The following EXT1 variants were observed in gnomAD, a reference collection of about 807,000 sequenced individuals.
EXT1 encodes the protein exostosin glycosyltransferase 1.
EXT1 carries 20 observed loss-of-function variants against 82.5 expected under a neutral mutation model. That is an observed-to-expected ratio of 0.24 (90% CI 0.17 to 0.35). The LOEUF (loss-of-function observed/expected upper bound fraction) is 0.35. Among genes scored for constraint, EXT1 ranks in the 10% least tolerant of loss-of-function variants. The pLI is 1.00. For missense variants in EXT1, 757 were observed against 936.5 expected, an observed-to-expected ratio of 0.81 and a Z score of 2.50; for synonymous variants, 348 against 350.8, an observed-to-expected ratio of 0.99 and a Z score of 0.09.
intron 1 of EXT1, among the ~76,000 whole-genome samples, chr8:117,968,294 T>C (rs533887199): frequency 4.6e-5 from 7 of 151,936 alleles, no homozygotes; most frequent in African/African-American, 1.7e-4. Context: ...TTTTTAGTAG[T>C]TTTTTGAAAT....
chr8:117,889,126 T>C (rs1813199274), intron 1 of EXT1, among the ~76,000 whole-genome samples: 1 of 152,164 alleles, frequency 6.6e-6, no homozygotes, highest in South Asian at 2.1e-4. Context: ...CTGGGGCAGC[T>C]ATCTTGGACT....
At chr8:117,987,857 G>A (rs921519092) in intron 1 of EXT1, among the ~76,000 whole-genome samples, 2 of 152,184 alleles carry the variant, frequency 1.3e-5, no homozygotes, top group African/African-American at 4.8e-5. Flanking sequence ...AGAGGCCTAG[G>A]CGGAAGGATC....
chr8:117,863,777 G>A (rs771768648), intron 1 of EXT1, among the ~76,000 whole-genome samples: 3 of 152,100 alleles, frequency 2.0e-5, no homozygotes, highest in African/African-American at 2.4e-5. Flanking sequence ...TGTCAGCAAC[G>A]CAGGGTGAGG....
rs565779548 is a variant in EXT1 at position 118,042,229 on chromosome 8, A to G, written c.962+67856T>C. On this transcript the variant is annotated intron_variant, in intron 1 of 10. Transcript: ENST00000378204. ...TGAATTAAAGAGGATCAAGAAGTCA[A>G]CAACAAAGGAGCTCAATCAGAGGGC... Among the ~76,000 whole-genome samples, 175 of 152,314 alleles carry G rather than the reference A, an allele frequency of 1.1e-3. 2 individuals are homozygous for G. The highest frequency in any genetic ancestry group is 4.1e-3 in the African/African-American group (169 of 41,576).
intron 4 of EXT1, among the ~76,000 whole-genome samples, chr8:117,826,224 C>T (rs569846329): frequency 6.6e-6 from 1 of 152,164 alleles, no homozygotes; most frequent in African/African-American, 2.4e-5. Context: ...GTACTAACAA[C>T]CTGACCCTGG....
intron 1 of EXT1, among the ~76,000 whole-genome samples, chr8:118,079,578 G>C (rs1038486042): frequency 6.6e-6 from 1 of 152,118 alleles, no homozygotes; most frequent in East Asian, 1.9e-4. Context: ...TATTCAGAGG[G>C]GTGACAATAC....
At chr8:118,030,042 G>A (rs1816278483) in intron 1 of EXT1, among the ~76,000 whole-genome samples, 1 of 152,148 alleles carries the variant, frequency 6.6e-6, no homozygotes, top group Non-Finnish European at 1.5e-5. Flanking sequence ...AAAATTCCCA[G>A]GGATATCTCT....
chr8:117,836,359 T>C (rs1406851169), intron 2 of EXT1, among the ~76,000 whole-genome samples: 1 of 152,114 alleles, frequency 6.6e-6, no homozygotes, highest in East Asian at 1.9e-4. Flanking sequence ...CATGACAGAA[T>C]GATTTGCAGT....
At chr8:117,877,707 T>C (rs545000990) in intron 1 of EXT1, among the ~76,000 whole-genome samples, 2 of 152,284 alleles carry the variant, frequency 1.3e-5, no homozygotes, top group African/African-American at 4.8e-5. Context: ...CCCGCTTAAA[T>C]CAATGTCATG....
intron 1 of EXT1, among the ~76,000 whole-genome samples, chr8:118,072,584 G>C (rs1031548187): frequency 2.8e-4 from 43 of 152,196 alleles, no homozygotes; most frequent in African/African-American, 1.0e-3. Context: ...ATTTGCAGTG[G>C]AAGTTTTACT....
At chr8:117,845,616 A>C (rs1587007884) in intron 1 of EXT1, among the ~76,000 whole-genome samples, 1 of 152,192 alleles carries the variant, frequency 6.6e-6, no homozygotes, top group East Asian at 1.9e-4. Context: ...ACTTTTTTTA[A>C]ATTTTAATTT....
Position 117,817,336 on chromosome 8 carries a change from A to C in EXT1, c.1632+1099T>G, listed in dbSNP as rs556614101. Among the ~76,000 whole-genome samples the C allele has an allele frequency of 1.4e-4, 22 of 152,290 alleles. No homozygotes were observed. The South Asian group carries it at 3.7e-3, about 26-fold the overall frequency. On this transcript the variant is annotated intron_variant, in intron 7 of 10. Coordinates refer to ENST00000378204, the MANE Select transcript of EXT1 (RefSeq NM_000127.3). Reference sequence around the variant, plus strand: ...TTTTGGTGAGTCGATGATGATATCAAATGGTTCAGCCTAATAAACTGATTT... The same window carrying C: ...TTTTGGTGAGTCGATGATGATATCACATGGTTCAGCCTAATAAACTGATTT...
At chr8:117,833,822 G>A (rs1812141495) in intron 3 of EXT1, among the ~76,000 whole-genome samples, 1 of 152,044 alleles carries the variant, frequency 6.6e-6, no homozygotes, top group Admixed American at 6.5e-5. Context: ...ATTTGAAAAA[G>A]GAAGAAAAAA....
At chr8:117,821,825 A>T (rs1339098820) in intron 5 of EXT1, among the ~76,000 whole-genome samples, 1 of 152,212 alleles carries the variant, frequency 6.6e-6, no homozygotes, top group African/African-American at 2.4e-5. Context: ...GGGTCCAAAT[A>T]CATAAATGTC....
At chr8:117,814,453 T>A (rs1245890588) in intron 7 of EXT1, among the ~76,000 whole-genome samples, 1 of 152,118 alleles carries the variant, frequency 6.6e-6, no homozygotes, top group African/African-American at 2.4e-5. Context: ...GTCCTTCATA[T>A]ATATCATCGT....
intron 1 of EXT1, among the ~76,000 whole-genome samples, chr8:117,928,202 G>A (rs1813987405): frequency 6.6e-6 from 1 of 152,192 alleles, no homozygotes; most frequent in African/African-American, 2.4e-5. Flanking sequence ...ACTCACCAGA[G>A]AATGAACAGT....
Position 118,077,318 on chromosome 8 carries a change from A to G in EXT1, c.962+32767T>C, listed in dbSNP as rs140018273. ...CTGAGGCATATGCAGCCAGGATTCAACTGAGACCAACCTGATCAAATTCCC... is the reference window on the plus strand; with the variant it reads ...CTGAGGCATATGCAGCCAGGATTCAGCTGAGACCAACCTGATCAAATTCCC... On this transcript the variant is annotated intron_variant, in intron 1 of 10. Coordinates refer to ENST00000378204, the MANE Select transcript of EXT1 (RefSeq NM_000127.3). 2.4e-3 allele frequency among the ~76,000 whole-genome samples: 363 copies of G among 152,352 alleles called. 1 individual carries two copies. Among genetic ancestry groups the G allele is most frequent in the African/African-American group, 5.6e-3 (234 of 41,592 alleles).
At chr8:117,939,217 G>A (rs1046457477) in intron 1 of EXT1, among the ~76,000 whole-genome samples, 2 of 152,278 alleles carry the variant, frequency 1.3e-5, no homozygotes, top group African/African-American at 4.8e-5. Context: ...ACTTTACACA[G>A]ACAGTATCTT....
intron 1 of EXT1, among the ~76,000 whole-genome samples, chr8:117,991,806 C>A (rs887770166): frequency 6.6e-6 from 1 of 152,180 alleles, no homozygotes; most frequent in African/African-American, 2.4e-5. Flanking sequence ...AAGTGATCCA[C>A]CCTCCTCGGC....
Sources: gnomAD v4.1 joint callset for allele counts (sites outside exome capture counted in the v4.1 genomes callset) on GRCh38, gnomAD v4.1.1 for gene constraint, MANE v1.5 for transcripts, NCBI Gene and HGNC (gene_info 2026-07-23, HGNC 2026-07-21) for gene names.